AIM2: variants seen among roughly 807,000 people sequenced by gnomAD.
The protein encoded by AIM2 is interferon-inducible protein AIM2.
A neutral mutation model predicts 27.7 loss-of-function variants in AIM2; 30 were observed. The observed-to-expected ratio is 1.08, with a 90% CI of 0.81 to 1.47. AIM2 has a LOEUF of 1.47. Among genes scored for constraint, AIM2 ranks in the 40% most tolerant of loss-of-function variants. The probability of loss-of-function intolerance (pLI) is 0.00; values close to 1 mark genes in which losing one functional copy is unlikely to be tolerated. For synonymous variants in AIM2, 141 were observed against 145.3 expected (o/e 0.97, Z 0.21); for missense variants, 358 against 411.3 (o/e 0.87, Z 1.12).
chr1:159,065,970 G>A lies in AIM2; in HGVS notation c.756C>T (p.Ile252=), dbSNP rs773004247. ...IIRKAGETPK[I]NTLQTQPLGT... Reference sequence around the variant, plus strand: ...CAAGGGGCTGAGTTTGAAGCGTGTTGATCTTCGGGGTTTCACCAGCTTTTC... The same window carrying A: ...CAAGGGGCTGAGTTTGAAGCGTGTTAATCTTCGGGGTTTCACCAGCTTTTC... The change falls in exon 4 of 6, where the codon ATC becomes ATT. Residue 252 remains isoleucine (I), a synonymous_variant. Coordinates refer to ENST00000368130, the MANE Select transcript of AIM2 (RefSeq NM_004833.3). 1 of 1,614,128 alleles carries A rather than the reference G, an allele frequency of 6.2e-7. No homozygotes were observed. The highest frequency in any genetic ancestry group is 1.7e-5 in the Admixed American group (1 of 60,018).
upstream of AIM2, among the ~76,000 whole-genome samples, chr1:159,077,295 G>C (rs747056138): frequency 5.9e-5 from 9 of 152,224 alleles, no homozygotes; most frequent in Non-Finnish European, 1.3e-4. Flanking sequence ...GTAATCAAGG[G>C]GAGGGGTTTT....
chr1:159,092,988 T>C (rs1657081105), intron 1 of AIM2, among the ~76,000 whole-genome samples: 1 of 151,954 alleles, frequency 6.6e-6, no homozygotes, highest in Non-Finnish European at 1.5e-5. Flanking sequence ...ATCGCGCCAC[T>C]ACACTCCAGC....
At chr1:159,082,687 G>A (rs1024833956) in intron 1 of AIM2, among the ~76,000 whole-genome samples, 9 of 152,010 alleles carry the variant, frequency 5.9e-5, no homozygotes, top group African/African-American at 1.9e-4. Flanking sequence ...TCCTATTCAC[G>A]AAGCCCATAC....
upstream of AIM2, among the ~76,000 whole-genome samples, chr1:159,080,748 G>A (rs1399422063): frequency 6.6e-6 from 1 of 152,104 alleles, no homozygotes; most frequent in Non-Finnish European, 1.5e-5. Flanking sequence ...AATAAGCAAT[G>A]TCCATATGCC....
At position 159,074,026 on chromosome 1, in the gene AIM2, C is replaced by T. The variant is rs182258535; in HGVS notation, c.-20-507G>A. On this transcript the variant is annotated intron_variant, in intron 1 of 5. Coordinates refer to ENST00000368130, the MANE Select transcript of AIM2 (RefSeq NM_004833.3). ...TGCACTCCAGCCTGGGCAACAGGAG[C>T]GAAACTTCATCTCAAAACAACAACA... Among the ~76,000 whole-genome samples the T allele has an allele frequency of 1.1e-3, 171 of 151,916 alleles. 2 individuals are homozygous for T. Among genetic ancestry groups the T allele is most frequent in the Admixed American group, 2.4e-3 (36 of 15,256 alleles).
At chr1:159,113,378 T>A (rs1647234256) in intron 1 of AIM2, among the ~76,000 whole-genome samples, 1 of 152,212 alleles carries the variant, frequency 6.6e-6, no homozygotes, top group Admixed American at 6.5e-5. Context: ...AATTTGTCAA[T>A]TAAGATACCT....
At chr1:159,134,603 G>A (rs976905908) in intron 1 of AIM2, among the ~76,000 whole-genome samples, 4 of 152,148 alleles carry the variant, frequency 2.6e-5, no homozygotes, top group Admixed American at 1.3e-4. Context: ...AGGCGGAGGC[G>A]GGTGGATTAC....
intron 1 of AIM2, among the ~76,000 whole-genome samples, chr1:159,097,270 A>C (rs148626090): frequency 6.2e-4 from 94 of 152,240 alleles, no homozygotes; most frequent in African/African-American, 2.2e-3. Flanking sequence ...TTAACAATAA[A>C]ATTAGGAAAT....
chr1:159,102,409 G>A (rs961647590), intron 1 of AIM2, among the ~76,000 whole-genome samples: 5 of 152,228 alleles, frequency 3.3e-5, no homozygotes, highest in Non-Finnish European at 7.3e-5. Flanking sequence ...TGAGATAGGA[G>A]CCCCCACACA....
intron 1 of AIM2, among the ~76,000 whole-genome samples, chr1:159,130,831 C>T (rs1296021641): frequency 2.0e-5 from 3 of 151,658 alleles, no homozygotes; most frequent in Non-Finnish European, 2.9e-5. Flanking sequence ...CACACACACA[C>T]ACACACACAC....
upstream of AIM2, chr1:159,081,409 C>T (rs933907726): frequency 3.1e-5 from 11 of 355,494 alleles, no homozygotes; most frequent in Non-Finnish European, 6.2e-5. Context: ...AGTAGATAAC[C>T]TGAAATAATG....
chr1:159,106,773 A>G (rs1657457152), intron 1 of AIM2, among the ~76,000 whole-genome samples: 2 of 152,258 alleles, frequency 1.3e-5, no homozygotes, highest in South Asian at 4.1e-4. Context: ...CACAAGTGTG[A>G]AGGCTCTCTG....
chr1:159,085,882 G>A (rs946744313), intron 1 of AIM2, among the ~76,000 whole-genome samples: 2 of 152,224 alleles, frequency 1.3e-5, no homozygotes, highest in Non-Finnish European at 2.9e-5. Flanking sequence ...GTGTACTTGA[G>A]TATCGCTAAG....
chr1:159,078,874 G>A (rs115450367), upstream of AIM2, among the ~76,000 whole-genome samples: 365 of 152,252 alleles, frequency 2.4e-3, 1 homozygote, highest in African/African-American at 8.3e-3. Context: ...ACTGGCCCAA[G>A]AAGGGAAAAA....
chr1:159,127,764 A>G (rs1426338359), intron 1 of AIM2, among the ~76,000 whole-genome samples: 2 of 152,086 alleles, frequency 1.3e-5, no homozygotes, highest in South Asian at 2.1e-4. Flanking sequence ...ATCTGCCTTG[A>G]CCTTGGACTT....
intron 1 of AIM2, among the ~76,000 whole-genome samples, chr1:159,087,546 A>G (rs1656946107): frequency 1.3e-5 from 2 of 150,796 alleles, no homozygotes; most frequent in South Asian, 4.2e-4. Flanking sequence ...AAGCAATGCC[A>G]GGCTTTTTCT....
At chr1:159,144,736 G>T (rs1648172692), upstream of AIM2, among the ~76,000 whole-genome samples, 1 of 152,100 alleles carries the variant, frequency 6.6e-6, no homozygotes, top group Non-Finnish European at 1.5e-5. Flanking sequence ...AACTAGTGAT[G>T]CTCATACACT....
chr1:159,121,046 C>A (rs1329824076), intron 1 of AIM2, among the ~76,000 whole-genome samples: 2 of 152,270 alleles, frequency 1.3e-5, no homozygotes, highest in East Asian at 1.9e-4. Context: ...ACTTAACCAA[C>A]CTCCTAAAGA....
At chr1:159,125,926 C>T (rs1647673799) in intron 1 of AIM2, among the ~76,000 whole-genome samples, 1 of 152,158 alleles carries the variant, frequency 6.6e-6, no homozygotes, top group Non-Finnish European at 1.5e-5. Flanking sequence ...TTCTCACAGT[C>T]ACTCCTACTG....
Sources: gnomAD v4.1 joint callset for allele counts (sites outside exome capture counted in the v4.1 genomes callset) on GRCh38, gnomAD v4.1.1 for gene constraint, MANE v1.5 for transcripts, NCBI Gene and HGNC (gene_info 2026-07-23, HGNC 2026-07-21) for gene names.